The following MAP3K6 variants were observed in gnomAD, a reference collection of about 807,000 sequenced individuals.
MAP3K6 encodes the protein apoptosis signal-regulating kinase 2.
In MAP3K6, 105 loss-of-function variants were observed where a neutral mutation model predicts 147.1. The ratio of observed to expected loss-of-function variants is 0.71; its 90% CI spans 0.61 to 0.84. The LOEUF (loss-of-function observed/expected upper bound fraction) is 0.84. Among genes scored for constraint, MAP3K6 ranks in the 40% least tolerant of loss-of-function variants. MAP3K6 has a pLI of 0.00. For missense variants in MAP3K6, 1,569 were observed against 1,715.0 expected (o/e 0.91, Z 1.50); for synonymous variants, 695 against 732.4 (o/e 0.95, Z 0.82).
At chr1:27,362,452 A>C (rs2015813744) in intron 8 of MAP3K6, among the ~76,000 whole-genome samples, 189 bp downstream of exon 8, 1 of 152,118 alleles carries the variant, frequency 6.6e-6, no homozygotes, top group African/African-American at 2.4e-5. Context: ...GAGTTTGGGA[A>C]CATTTGTGGG....
chr1:27,365,919 C>A (rs1460749485), intron 1 of MAP3K6, among the ~76,000 whole-genome samples: 1 of 151,394 alleles, frequency 6.6e-6, no homozygotes, highest in Non-Finnish European at 1.5e-5. Flanking sequence ...GACACCACAG[C>A]CCCGCGCCGC....
Position 27,357,568 on chromosome 1 carries a change from ACGGGCC to A in MAP3K6, c.3084_3089del (p.Ala1029_Arg1030del), listed in dbSNP as rs1256760711. The stretch of plus-strand genomic sequence containing the variant: ...GCTCTTCCACATGGTTTCTGCCCAG[ACGGGCC>A]CCCTGAGAAGGAAGAGAGGGGTTGT... On this transcript the variant is annotated inframe_deletion and splice_region_variant, in exon 23 of 29. Transcript: ENST00000357582. 1 of 1,607,460 alleles carries A rather than the reference ACGGGCC, an allele frequency of 6.2e-7. No homozygotes were observed. Among genetic ancestry groups the A allele is most frequent in the Non-Finnish European group, 8.5e-7 (1 of 1,176,100 alleles).
In MAP3K6 at chr1:27,355,473, G is replaced by C. The variant is rs760605085; in HGVS notation, c.3789-4C>G. ...GATGCGGCATACCATCCCTCCCCTG[G>C]GGGTAATGGACTCAGTGTGGCTCAG... On this transcript the variant is annotated splice_region_variant and splice_polypyrimidine_tract_variant and intron_variant, in intron 28 of 28. Coordinates refer to ENST00000357582, the MANE Select transcript of MAP3K6 (RefSeq NM_004672.5). 5 of 1,613,992 alleles carry C rather than the reference G, an allele frequency of 3.1e-6. No individual in the cohort carries two copies. The highest frequency in any genetic ancestry group is 4.2e-6 in the Non-Finnish European group (5 of 1,179,934).
Position 27,356,736 on chromosome 1 carries a change from C to T in MAP3K6, c.3378G>A (p.Glu1126=). ...GCTCCTCTGACCTCGGTGAGACCGC[C>T]TCCTTCTCCACCTCTGCAGCCCAGT... ...LGVLGPEVEK[E]AVSPRSEELS... is the part of the protein sequence containing the mutation. The change falls in exon 25 of 29, where the codon GAG becomes GAA. Residue 1126 remains glutamate (E), a synonymous_variant. Transcript: ENST00000357582. 1.9e-6 allele frequency: 3 copies of T among 1,569,136 alleles called. No homozygotes were observed. Among genetic ancestry groups the T allele is most frequent in the South Asian group, 2.4e-5 (2 of 84,342 alleles).
rs1188272320 is a variant in MAP3K6 at position 27,362,264 on chromosome 1, G to A, written c.1256-14C>T. On this transcript the variant is annotated splice_polypyrimidine_tract_variant and intron_variant, in intron 8 of 28. Transcript: ENST00000357582. ...CCAGCTTCATGCCTGGGGGAGAGAGGCATGGGCTCCAGTGAGTGTGGGTGC... is the reference window on the plus strand; with the variant it reads ...CCAGCTTCATGCCTGGGGGAGAGAGACATGGGCTCCAGTGAGTGTGGGTGC... 2 of 1,604,960 alleles carry A rather than the reference G, an allele frequency of 1.2e-6. No homozygotes were observed. The highest frequency in any genetic ancestry group is 2.2e-5 in the East Asian group (1 of 44,834).
intron 13 of MAP3K6, 32 bp downstream of exon 13, chr1:27,361,125 T>A: frequency 6.3e-7 from 1 of 1,575,724 alleles, no homozygotes; most frequent in Non-Finnish European, 8.6e-7. Context: ...ATCCTGGCCC[T>A]CAGAGTACCC....
intron 28 of MAP3K6, 42 bp downstream of exon 28, chr1:27,355,627 A>G (rs1382774986): frequency 3.7e-6 from 6 of 1,603,594 alleles, no homozygotes; most frequent in Non-Finnish European, 5.1e-6. Context: ...GGCCAGGATG[A>G]GGCCATATGC....
Position 27,357,051 on chromosome 1 carries a change from G to A in MAP3K6, c.3322C>T (p.Leu1108Phe), listed in dbSNP as rs369432424. The stretch of plus-strand genomic sequence containing the variant: ...AGGGCTGCCCGCACAGCACGGCTGA[G>A]CAGTGAGTCCAGAACGAACATCCAG... ...PHWMFVLDSLLSRAVRAALGV... is the reference protein window; with the variant it reads ...PHWMFVLDSLFSRAVRAALGV... The change falls in exon 24 of 29, where the codon CTC becomes TTC. Residue 1108 changes from leucine (L) to phenylalanine (F), a missense_variant. Transcript: ENST00000357582. 6.2e-6 allele frequency: 10 copies of A among 1,613,880 alleles called. No individual in the cohort carries two copies. Among genetic ancestry groups the A allele is most frequent in the African/African-American group, 1.3e-5 (1 of 74,952 alleles).
At position 27,359,817 on chromosome 1, in the gene MAP3K6, C is replaced by A. The variant is rs1396078221; in HGVS notation, c.2319+41G>T. On this transcript the variant is annotated intron_variant, in intron 17 of 28. Transcript: ENST00000357582. The surrounding 1 kb of genome is among the most constrained non-coding windows in gnomAD (Gnocchi z 4.4). ...GTCTGGGACCATGTTTCCTTCCCCG[C>A]CACCCTCAGCAGATGAGGGCGGGCC... The A allele has an allele frequency of 1.2e-6, 2 of 1,610,024 alleles. No individual in the cohort carries two copies. The highest frequency in any genetic ancestry group is 1.7e-5 in the Admixed American group (1 of 59,944).
rs1163519766 is a variant in MAP3K6 at position 27,360,979 on chromosome 1, G to T, written c.1862C>A (p.Thr621Lys). Residue 621 changes from threonine (T) to lysine (K), a missense_variant, in exon 14 of 29, where the codon ACG becomes AAG. Physicochemically the swap from Thr to Lys is moderately conservative, Grantham distance 78. Transcript: ENST00000357582. The surrounding 1 kb of genome is among the most constrained non-coding windows in gnomAD (Gnocchi z 4.5). ...WFCGLIQAWV[T>K]NPDSTAPAEE... ...CGCGGGCGCCGTGGAATCCGGGTTC[G>T]TCACCCAGGCCTGGATCAGGCCGCA... 1 of 1,604,882 alleles carries T rather than the reference G, an allele frequency of 6.2e-7. No individual in the cohort carries two copies. The highest frequency in any genetic ancestry group is 1.3e-5 in the African/African-American group (1 of 74,756).
intron 23 of MAP3K6, 106 bp from the exon 24 acceptor site, chr1:27,357,220 C>G: frequency 8.1e-7 from 1 of 1,227,292 alleles, no homozygotes; most frequent in Non-Finnish European, 1.2e-6. Flanking sequence ...GTGGGGTGGG[C>G]GGGCTTGAGG....
Position 27,361,716 on chromosome 1 carries a change from C to G in MAP3K6, c.1567G>C (p.Asp523His), listed in dbSNP as rs139722854. 625 of 1,613,304 alleles carry G rather than the reference C, an allele frequency of 3.9e-4. 1 individual carries two copies. In the African/African-American group the frequency reaches 5.8e-3, roughly 15 times the overall value. The change falls in exon 10 of 29, where the codon GAC (aspartate) becomes CAC (histidine). Residue 523 changes from aspartate to histidine, a missense_variant. Physicochemically the swap from Asp to His is moderately conservative, Grantham distance 81. Coordinates refer to ENST00000357582, the MANE Select transcript of MAP3K6 (RefSeq NM_004672.5). ...QPFKTACAQG[D>H]QCLVLVLEMN... The stretch of plus-strand genomic sequence containing the variant: ...CCTACAGGCCTCACCAAGCACTGGT[C>G]GCCCTGGGCACAGGCTGTCTTGAAT...
intron 23 of MAP3K6, 48 bp from the exon 24 acceptor site, chr1:27,357,162 G>T: frequency 6.5e-7 from 1 of 1,547,650 alleles, no homozygotes. Flanking sequence ...CTCAACTAGA[G>T]GCAGGGCTTG....
rs747919460 is a variant in MAP3K6 at position 27,357,439 on chromosome 1, A to G, written c.3219T>C (p.Pro1073=). The change falls in exon 23 of 29, where the codon CCT becomes CCC. Residue 1073 remains proline (P), a synonymous_variant. Transcript: ENST00000357582. ...QGRLRAQGLG[P]ALLHRPLFAF... ...CAAACAGCGGTCTGTGCAGAAGCGC[A>G]GGCCCAAGGCCCTGGGCCCTCAGCC... 8.1e-6 allele frequency: 13 copies of G among 1,612,470 alleles called. No homozygotes were observed. In the South Asian group the frequency reaches 1.3e-4, roughly 16 times the overall value.
chr1:27,361,446 T>C (rs575316073), intron 11 of MAP3K6, 51 bp from the exon 12 acceptor site: 1 of 1,610,726 alleles, frequency 6.2e-7, no homozygotes, highest in South Asian at 1.1e-5. Context: ...AGGAGAGGGG[T>C]CTGAGGATGG....
In MAP3K6 at chr1:27,366,626, G is replaced by T. The variant is rs571877488; in HGVS notation, c.-29C>A. ...GGGGCGCTCAGGCGCGGGGCGCCGC[G>T]CACTGGGAACCGGGGGCGGGGCAGG... On this transcript the variant is annotated 5_prime_UTR_variant, in exon 1 of 29. Coordinates refer to ENST00000357582, the MANE Select transcript of MAP3K6 (RefSeq NM_004672.5). This position sits in a 1 kb window ranked among gnomAD's most constrained non-coding sequence, Gnocchi z 5.5. 1.5e-4 allele frequency: 159 copies of T among 1,078,236 alleles called. No homozygotes were observed. In the African/African-American group the frequency reaches 2.6e-3, roughly 17 times the overall value. The allele number at this position is 1,078,236 out of a possible 1,614,324, so 66.8% of individuals were successfully genotyped here.
chr1:27,362,535 G>A (rs2015816997), intron 8 of MAP3K6, 106 bp downstream of exon 8: 2 of 926,824 alleles, frequency 2.2e-6, no homozygotes, highest in African/African-American at 3.3e-5. Context: ...GTCCAAAATG[G>A]ATGAGCTCAT....
rs1395904211 is a variant in MAP3K6 at position 27,359,400 on chromosome 1, C to A, written c.2425+17G>T. ...CCCAGGTCAGCATCCCCACTCACCA[C>A]CCCCACACCTTGTTACCTGTGAAGG... On this transcript the variant is annotated intron_variant, in intron 18 of 28. Coordinates refer to ENST00000357582, the MANE Select transcript of MAP3K6 (RefSeq NM_004672.5). The surrounding 1 kb of genome is among the most constrained non-coding windows in gnomAD (Gnocchi z 4.4). 5 of 1,613,902 alleles carry A rather than the reference C, an allele frequency of 3.1e-6. No individual in the cohort carries two copies. Among genetic ancestry groups the A allele is most frequent in the East Asian group, 4.5e-5 (2 of 44,880 alleles).
rs558857356 is a variant in MAP3K6, at chr1:27,356,649, G to A, written c.3465C>T (p.Pro1155=). 2.7e-5 allele frequency: 43 copies of A among 1,612,078 alleles called. No individual in the cohort carries two copies. The East Asian group carries it at 6.7e-4, about 25-fold the overall frequency. Residue 1155 remains proline (P), a synonymous_variant, in exon 25 of 29, where the codon CCC becomes CCT. Transcript: ENST00000357582. ...CCATCAGAGGAGCGGGGCCCTGCTC[G>A]GGCTCCACCGGAAGCGGGCTCTGCT... ...PGQQSPLPVE[P]EQGPAPLMVQ...
Sources: allele counts gnomAD v4.1 joint callset (sites outside exome capture counted in the v4.1 genomes callset), GRCh38; gene constraint gnomAD v4.1.1; non-coding constraint Gnocchi (gnomAD v3.1); transcripts MANE v1.5; gene names NCBI Gene and HGNC (gene_info 2026-07-23, HGNC 2026-07-21).